GNAL: variants seen among roughly 807,000 people sequenced by gnomAD.
GNAL encodes G protein subunit alpha L.
Under a neutral mutation model 55.1 loss-of-function variants are expected in GNAL, and 18 were observed. The ratio of observed to expected loss-of-function variants is 0.33; its 90% CI spans 0.23 to 0.48. GNAL has a LOEUF of 0.48. Ranked by LOEUF, GNAL falls within the 20% of genes least tolerant of loss-of-function variation. The pLI, the probability that GNAL is intolerant of heterozygous loss-of-function variation, is 0.99. For missense variants in GNAL, 412 were observed against 614.1 expected (o/e 0.67, Z 3.48); for synonymous variants, 253 against 237.0 (o/e 1.07, Z -0.62).
In GNAL at chr18:11,689,898, A is replaced by G. The variant is rs781340705; in HGVS notation, c.335A>G (p.Gln112Arg). The change falls in exon 1 of 12, where the codon CAG (glutamine) becomes CGG (arginine). Residue 112 changes from glutamine to arginine, a missense_variant. By Grantham distance (43) the Gln-to-Arg change is conservative. Transcript: ENST00000334049. ...SRGIDRMLRD[Q>R]KRDLQQTHRL... Reference sequence around the variant, plus strand: ...GGCATCGACCGCATGCTGCGCGACCAGAAGCGCGACCTGCAGCAGACGCAC... The same window carrying G: ...GGCATCGACCGCATGCTGCGCGACCGGAAGCGCGACCTGCAGCAGACGCAC... The G allele has an allele frequency of 1.4e-6, 2 of 1,477,346 alleles. No individual in the cohort carries two copies. The highest frequency in any genetic ancestry group is 2.9e-5 in the East Asian group (1 of 34,326). 91.5% of individuals were successfully genotyped at this position (1,477,346 alleles called of 1,614,324 possible).
At chr18:11,783,458 C>A (rs949418159) in intron 4 of GNAL, among the ~76,000 whole-genome samples, 1 of 152,156 alleles carries the variant, frequency 6.6e-6, no homozygotes, top group Non-Finnish European at 1.5e-5. Context: ...TTAAATCAGA[C>A]TTTTATATTG....
In GNAL at chr18:11,880,990, G is replaced by C. The variant is rs147199359; in HGVS notation, c.1232G>C (p.Arg411Thr). Residue 411 changes from arginine (R) to threonine (T), a missense_variant and splice_region_variant, in exon 12 of 12, where the codon AGG (arginine) becomes ACG (threonine). Arg to Thr is a moderately conservative substitution (Grantham distance 71). Transcript: ENST00000334049. The stretch of plus-strand genomic sequence containing the variant: ...TAGTGCACACGCTCTCTCTTGCAGA[G>C]GATCAGCACGGCCACCGGTGACGGC... Reference protein sequence around the residue: ...AKFFIRDLFLRISTATGDGKH... With the variant: ...AKFFIRDLFLTISTATGDGKH... 9 of 1,613,762 alleles carry C rather than the reference G, an allele frequency of 5.6e-6. No homozygotes were observed. Among genetic ancestry groups the C allele is most frequent in the Non-Finnish European group, 7.6e-6 (9 of 1,179,848 alleles).
intron 1 of GNAL, among the ~76,000 whole-genome samples, chr18:11,731,822 C>T (rs555830332): frequency 6.6e-6 from 1 of 152,188 alleles, no homozygotes; most frequent in African/African-American, 2.4e-5. Flanking sequence ...CAAAGAAGCC[C>T]TGGACCCACT....
At chr18:11,722,857 C>T (rs963177356) in intron 1 of GNAL, among the ~76,000 whole-genome samples, 1 of 152,038 alleles carries the variant, frequency 6.6e-6, no homozygotes, top group African/African-American at 2.4e-5. Flanking sequence ...ATTAAAAATA[C>T]AAAATTAGCT....
chr18:11,820,456 AT>A (rs2035063420), intron 4 of GNAL, among the ~76,000 whole-genome samples: 1 of 152,202 alleles, frequency 6.6e-6, no homozygotes, highest in Non-Finnish European at 1.5e-5. Context: ...TATTACGGCT[AT>A]TTTTTAAAAG....
chr18:11,745,869 A>C (rs1489528648), intron 1 of GNAL: 1 of 175,362 alleles, frequency 5.7e-6, no homozygotes. Flanking sequence ...TGAACACCAG[A>C]CCAACGTGAA....
rs776938690 is a variant in GNAL, at chr18:11,881,114, C to G, written c.1356C>G (p.Leu452=). ...DCRDIIQRMH[L]KQYELL is the part of the protein sequence containing the mutation. ...GCGACATCATCCAGCGGATGCACCT[C>G]AAGCAGTATGAGCTCTTGTGAGGAT... The change falls in exon 12 of 12, where the codon CTC becomes CTG. Residue 452 remains leucine (L), a synonymous_variant. Coordinates refer to ENST00000334049, the MANE Select transcript of GNAL (RefSeq NM_182978.4). This position sits in a 1 kb window ranked among gnomAD's most constrained non-coding sequence, Gnocchi z 4.8. 6.2e-7 allele frequency: 1 copy of G among 1,611,274 alleles called. No individual in the cohort carries two copies. Among genetic ancestry groups the G allele is most frequent in the Non-Finnish European group, 8.5e-7 (1 of 1,178,702 alleles).
chr18:11,716,645 C>T (rs979641039), intron 1 of GNAL, among the ~76,000 whole-genome samples: 3 of 152,148 alleles, frequency 2.0e-5, no homozygotes, highest in Non-Finnish European at 4.4e-5. Context: ...TCCACCTCCC[C>T]ACCAGATTAG....
chr18:11,752,228 T>G lies in GNAL; in HGVS notation c.377-625T>G. 2.9e-6 allele frequency: 3 copies of G among 1,042,426 alleles called. No homozygotes were observed. The highest frequency in any genetic ancestry group is 3.9e-6 in the Non-Finnish European group (3 of 774,582). 64.6% of individuals were successfully genotyped at this position (1,042,426 alleles called of 1,614,324 possible). ...AGGCATTTTACTCCGCGCGTCTTCC[T>G]TACAGCCATTTAGTTGGGAGTTTGC... On this transcript the variant is annotated intron_variant, in intron 1 of 11. Transcript: ENST00000334049. The surrounding 1 kb of genome is among the most constrained non-coding windows in gnomAD (Gnocchi z 4.5).
chr18:11,813,258 A>AAAAAAAAG (rs777637282), intron 4 of GNAL, among the ~76,000 whole-genome samples: 7 of 151,788 alleles, frequency 4.6e-5, no homozygotes, highest in Non-Finnish European at 8.8e-5. Flanking sequence ...CCATCTTAAA[A>AAAAAAAAG]AAAAGAAAAA....
At chr18:11,738,591 G>T (rs2032506162) in intron 1 of GNAL, among the ~76,000 whole-genome samples, 1 of 152,080 alleles carries the variant, frequency 6.6e-6, no homozygotes, top group Non-Finnish European at 1.5e-5. Context: ...GGGATTACAG[G>T]CGCCCACCAC....
intron 1 of GNAL, among the ~76,000 whole-genome samples, chr18:11,733,232 A>T (rs1234718525): frequency 6.6e-6 from 1 of 152,126 alleles, no homozygotes; most frequent in Non-Finnish European, 1.5e-5. Flanking sequence ...GGGGACTTGG[A>T]GGTGTGGGCC....
intron 1 of GNAL, among the ~76,000 whole-genome samples, chr18:11,691,253 G>A (rs2031238765): frequency 6.6e-6 from 1 of 151,564 alleles, no homozygotes; most frequent in African/African-American, 2.4e-5. Flanking sequence ...CTGCATAAAT[G>A]TCTTCTTTTG....
chr18:11,867,143 TTG>T (rs1341152583), intron 7 of GNAL, 23 bp from the exon 8 acceptor site: 1 of 1,584,542 alleles, frequency 6.3e-7, no homozygotes. Flanking sequence ...CCCCAAATAA[TTG>T]TGTTCCTCTT....
At position 11,884,251 on chromosome 18, in the gene GNAL, A is replaced by G; in HGVS notation, c.*3116A>G. 1.7e-6 allele frequency: 1 copy of G among 576,768 alleles called. No homozygotes were observed. Among genetic ancestry groups the G allele is most frequent in the Non-Finnish European group, 3.1e-6 (1 of 325,086 alleles). 35.7% of individuals were successfully genotyped at this position (576,768 alleles called of 1,614,324 possible). A position where few individuals can be genotyped will look rare whatever the true frequency, so the allele number is the denominator to read the frequency against. On this transcript the variant is annotated 3_prime_UTR_variant, in exon 12 of 12. Coordinates refer to ENST00000334049, the MANE Select transcript of GNAL (RefSeq NM_182978.4). The stretch of plus-strand genomic sequence containing the variant: ...TGAGAAAACAGATTTGTTGTAGAGT[A>G]CCTGTCCACTTTTATAGCATGAGAA...
intron 1 of GNAL, among the ~76,000 whole-genome samples, chr18:11,735,409 G>A (rs2032439431): frequency 6.6e-6 from 1 of 152,074 alleles, no homozygotes; most frequent in African/African-American, 2.4e-5. Context: ...AGAGAGTGAT[G>A]ATAAGGAATG....
At chr18:11,726,512 A>T (rs549413879) in intron 1 of GNAL, among the ~76,000 whole-genome samples, 3 of 152,242 alleles carry the variant, frequency 2.0e-5, no homozygotes, top group African/African-American at 7.2e-5. Context: ...GCTGTCTCTG[A>T]GCTCCCAGGC....
chr18:11,827,993 G>A (rs998942926), intron 5 of GNAL, among the ~76,000 whole-genome samples: 1 of 142,256 alleles, frequency 7.0e-6, no homozygotes, highest in Non-Finnish European at 1.5e-5. Flanking sequence ...AAAAAAAAAA[G>A]ATTTTCCTTA....
In GNAL at chr18:11,830,027, G is replaced by C. The variant is rs185365062; in HGVS notation, c.722+5012G>C. On this transcript the variant is annotated intron_variant, in intron 5 of 11. Transcript: ENST00000334049. ...CTCAAAAAATAAATAAGTAAATAAA[G>C]TCAGTGCTCAGTCGGTGCTATCTGA... Among the ~76,000 whole-genome samples, 6 of 152,156 alleles carry C rather than the reference G, an allele frequency of 3.9e-5. No individual in the cohort carries two copies. In the East Asian group the frequency reaches 9.7e-4, roughly 24 times the overall value.
Sources: allele counts gnomAD v4.1 joint callset (sites outside exome capture counted in the v4.1 genomes callset), GRCh38; gene constraint gnomAD v4.1.1; non-coding constraint Gnocchi (gnomAD v3.1); transcripts MANE v1.5; gene names NCBI Gene and HGNC (gene_info 2026-07-23, HGNC 2026-07-21).